The following STK10 variants were observed in gnomAD, a reference collection of about 807,000 sequenced individuals.
The protein encoded by STK10 is serine/threonine kinase 10, also known as serine/threonine-protein kinase 10.
STK10 carries 78 observed loss-of-function variants against 113.8 expected under a neutral mutation model. The observed-to-expected ratio is 0.69, with a 90% CI of 0.57 to 0.83. The LOEUF is 0.83. Ranked by LOEUF, STK10 falls within the 40% of genes least tolerant of loss-of-function variation. The pLI is 0.00. For missense variants in STK10, 1,109 were observed against 1,280.1 expected (o/e 0.87, Z 2.04); for synonymous variants, 465 against 494.7 (o/e 0.94, Z 0.80).
chr5:172,124,116 C>T (rs143040383), intron 3 of STK10, among the ~76,000 whole-genome samples: 11,525 of 151,992 alleles, frequency 0.076, 486 homozygotes, highest in East Asian at 0.12. Context: ...TTTGTAGAGA[C>T]GGGGTTTTGC....
At chr5:172,149,232 G>C (rs975360128) in intron 2 of STK10, among the ~76,000 whole-genome samples, 2 of 152,162 alleles carry the variant, frequency 1.3e-5, no homozygotes, top group Admixed American at 1.3e-4. Context: ...CAGCCCACCC[G>C]GCACAGGCCT....
intron 2 of STK10, among the ~76,000 whole-genome samples, chr5:172,138,276 C>A (rs1769908212): frequency 6.6e-6 from 1 of 152,124 alleles, no homozygotes; most frequent in Admixed American, 6.5e-5. Flanking sequence ...CATGTGCCAC[C>A]ACGCCTGGCT....
intron 1 of STK10, among the ~76,000 whole-genome samples, chr5:172,173,896 G>C (rs1770706305): frequency 6.6e-6 from 1 of 152,222 alleles, no homozygotes; most frequent in Admixed American, 6.5e-5. Context: ...GCAAAGTCGG[G>C]GCAAAGGGCT....
intron 13 of STK10, chr5:172,061,515 G>C: frequency 2.8e-6 from 1 of 361,570 alleles, no homozygotes; most frequent in Non-Finnish European, 4.9e-6. Flanking sequence ...GCAGTGGCAT[G>C]ATCTCGGCTC....
intron 1 of STK10, among the ~76,000 whole-genome samples, chr5:172,167,976 C>T (rs962542700): frequency 5.9e-5 from 9 of 152,226 alleles, no homozygotes; most frequent in Non-Finnish European, 1.2e-4. Context: ...AGGAACCCCA[C>T]CCAATGATCA....
intron 15 of STK10, chr5:172,056,993 A>AGG (rs1304849740): frequency 0.015 from 789 of 51,460 alleles, no homozygotes; most frequent in South Asian, 0.022. Context: ...GAAAGAAAGA[A>AGG]AGAGAAAGAA....
At chr5:172,181,185 T>A (rs577807438) in intron 1 of STK10, among the ~76,000 whole-genome samples, 4 of 152,216 alleles carry the variant, frequency 2.6e-5, no homozygotes, top group Non-Finnish European at 4.4e-5. Flanking sequence ...CATCCACCCA[T>A]GTGGTGCATC....
chr5:172,186,700 G>T (rs987989385), intron 1 of STK10, among the ~76,000 whole-genome samples: 1 of 152,180 alleles, frequency 6.6e-6, no homozygotes, highest in African/African-American at 2.4e-5. Flanking sequence ...ATTTGCTTAG[G>T]AATCACCTGG....
chr5:172,139,578 C>T (rs143918015), intron 2 of STK10, among the ~76,000 whole-genome samples: 2 of 151,310 alleles, frequency 1.3e-5, no homozygotes, highest in African/African-American at 4.8e-5. Flanking sequence ...GCAAGGATGC[C>T]AACAAGACCA....
At chr5:172,159,232 G>T (rs1035556864) in intron 1 of STK10, among the ~76,000 whole-genome samples, 1 of 152,164 alleles carries the variant, frequency 6.6e-6, no homozygotes, top group South Asian at 2.1e-4. Flanking sequence ...TGCTGCATGG[G>T]GTTCCAGTGT....
chr5:172,125,937 T>G (rs1157828504), intron 3 of STK10, among the ~76,000 whole-genome samples: 1 of 152,226 alleles, frequency 6.6e-6, no homozygotes, highest in Admixed American at 6.5e-5. Flanking sequence ...CTTTAGGCAT[T>G]TTGCTCTTTT....
chr5:172,147,802 G>C (rs1420444118), intron 2 of STK10, among the ~76,000 whole-genome samples: 1 of 152,186 alleles, frequency 6.6e-6, no homozygotes, highest in Admixed American at 6.5e-5. Flanking sequence ...GGTGACAGGA[G>C]GACAGGAGAA....
chr5:172,156,154 C>T (rs1044455496), intron 2 of STK10, among the ~76,000 whole-genome samples: 1 of 152,124 alleles, frequency 6.6e-6, no homozygotes, highest in Non-Finnish European at 1.5e-5. Flanking sequence ...ACAGCTGTAG[C>T]AGTGGCAGAA....
At chr5:172,087,331 G>A (rs1201244717) in intron 10 of STK10, among the ~76,000 whole-genome samples, 2 of 151,978 alleles carry the variant, frequency 1.3e-5, no homozygotes, top group African/African-American at 4.8e-5. Flanking sequence ...CTGGAGTGTA[G>A]TGACACAATC....
At chr5:172,065,339 C>G (rs1448938775) in intron 12 of STK10, among the ~76,000 whole-genome samples, 3 of 148,904 alleles carry the variant, frequency 2.0e-5, no homozygotes, top group Non-Finnish European at 1.5e-5. Context: ...ATTCTCCTGC[C>G]TAAGCCTTCC....
chr5:172,086,097 C>T (rs922118608), intron 10 of STK10, among the ~76,000 whole-genome samples: 13 of 152,218 alleles, frequency 8.5e-5, no homozygotes, highest in Non-Finnish European at 1.8e-4. Context: ...TCACTCCCTC[C>T]TCTGCAAAAT....
In STK10 at chr5:172,135,538, G is replaced by C. The variant is rs1769836413; in HGVS notation, c.322-8117C>G. The stretch of plus-strand genomic sequence containing the variant: ...AAAAACAAAAGATAAACAACAGTAA[G>C]TGTTGGCAGGAATATGGAGAAATTG... On this transcript the variant is annotated intron_variant, in intron 2 of 18. Transcript: ENST00000176763. Among the ~76,000 whole-genome samples, 3 of 151,960 alleles carry C rather than the reference G, an allele frequency of 2.0e-5. No homozygotes were observed. The South Asian group carries it at 6.2e-4, about 32-fold the overall frequency.
intron 18 of STK10, among the ~76,000 whole-genome samples, chr5:172,052,229 C>T (rs932573862): frequency 2.6e-5 from 4 of 152,148 alleles, no homozygotes; most frequent in African/African-American, 9.7e-5. Context: ...GTGGAGGAGG[C>T]CACGTGATAA....
intron 12 of STK10, among the ~76,000 whole-genome samples, chr5:172,078,076 C>CTTGGT (rs1768351997): frequency 6.6e-6 from 1 of 152,180 alleles, no homozygotes. Context: ...GGCCAGACCT[C>CTTGGT]CCATTCCTAC....
Sources: allele counts gnomAD v4.1 joint callset (sites outside exome capture counted in the v4.1 genomes callset), GRCh38; gene constraint gnomAD v4.1.1; transcripts MANE v1.5; gene names NCBI Gene and HGNC (gene_info 2026-07-23, HGNC 2026-07-21).